The following ACADVL variants were observed in gnomAD, a reference collection of about 807,000 sequenced individuals.
ACADVL encodes the protein very long-chain acyl-CoA dehydrogenase, mitochondrial.
A neutral mutation model predicts 80.4 loss-of-function variants in ACADVL; 73 were observed. The ratio of observed to expected loss-of-function variants is 0.91; its 90% CI spans 0.75 to 1.10. The LOEUF is 1.10. Ranked by LOEUF, ACADVL falls within the 50% of genes least tolerant of loss-of-function variation. The pLI is 0.00. For synonymous variants in ACADVL, 392 were observed against 326.5 expected (o/e 1.20, Z -2.16); for missense variants, 878 against 858.9 (o/e 1.02, Z -0.28).
At chr17:7,222,125 AG>A in intron 8 of ACADVL, 44 bp downstream of exon 8, 12 of 1,614,126 alleles carry the variant, frequency 7.4e-6, no homozygotes, top group Non-Finnish European at 1.0e-5. Flanking sequence ...GCCCAATTCC[AG>A]GCCCCACTGC....
intron 17 of ACADVL, 23 bp from the exon 18 acceptor site, chr17:7,224,618 AC>A (rs765796213): frequency 2.1e-5 from 7 of 336,226 alleles, no homozygotes; most frequent in South Asian, 1.8e-4. Context: ...CCCCACCCCC[AC>A]CCCCACCCCA....
upstream of ACADVL, chr17:7,219,720 C>T: frequency 1.4e-6 from 2 of 1,416,034 alleles, no homozygotes; most frequent in East Asian, 2.6e-5. Flanking sequence ...CCCATCACCC[C>T]GTCGGAGGAC....
chr17:7,223,970 AC>A lies in ACADVL; in HGVS notation c.1337del (p.Pro446LeufsTer3), dbSNP rs1567567655. 1 of 1,613,604 alleles carries A rather than the reference AC, an allele frequency of 6.2e-7. No individual in the cohort carries two copies. Among genetic ancestry groups the A allele is most frequent in the South Asian group, 1.1e-5 (1 of 91,050 alleles). ...IMGGMGFMKE[P>X]GVERVLRDLR... Reference sequence around the variant, plus strand: ...TAATTTGTGTGGCCCTGTGCTAGGAACCTGGAGTAGAGCGTGTGCTCCGAGA... The same window carrying A: ...TAATTTGTGTGGCCCTGTGCTAGGAACTGGAGTAGAGCGTGTGCTCCGAGA... On this transcript the variant is annotated frameshift_variant, in exon 14 of 20. Transcript: ENST00000356839. LOFTEE classifies it high-confidence loss of function.
chr17:7,219,609 A>C, upstream of ACADVL: 2 of 1,162,886 alleles, frequency 1.7e-6, no homozygotes, highest in Non-Finnish European at 2.1e-6. Context: ...CTCTTTCCCT[A>C]CTTTTCCCTT....
intron 11 of ACADVL, 53 bp downstream of exon 11, chr17:7,223,290 C>A: frequency 6.6e-7 from 1 of 1,512,224 alleles, no homozygotes; most frequent in South Asian, 1.1e-5. Flanking sequence ...TCTTCCCAGT[C>A]GGGTCAGACT....
In ACADVL at chr17:7,224,352, A is replaced by G. The variant is rs1327944514; in HGVS notation, c.1564A>G (p.Ser522Gly). 2 of 1,613,896 alleles carry G rather than the reference A, an allele frequency of 1.2e-6. No homozygotes were observed. Among genetic ancestry groups the G allele is most frequent in the South Asian group, 2.2e-5 (2 of 91,074 alleles). ...RAGLGSGLSL[S>G]GLVHPELSRS... is the part of the protein sequence containing the mutation. ...AGGGCTGGGCAGCGGCCTGAGTCTCAGCGGACTTGTCCACCCGGAGTTGAG... is the reference window on the plus strand; with the variant it reads ...AGGGCTGGGCAGCGGCCTGAGTCTCGGCGGACTTGTCCACCCGGAGTTGAG... The change falls in exon 16 of 20, where the codon AGC becomes GGC. Residue 522 changes from serine (S) to glycine (G), a missense_variant. Coordinates refer to ENST00000356839, the MANE Select transcript of ACADVL (RefSeq NM_000018.4).
upstream of ACADVL, chr17:7,219,408 G>C: frequency 9.8e-7 from 1 of 1,016,142 alleles, no homozygotes. Flanking sequence ...TCTTCCTACT[G>C]TGAAACTGTA....
At chr17:7,219,370 T>G, upstream of ACADVL, 2 of 1,008,512 alleles carry the variant, frequency 2.0e-6, no homozygotes, top group Non-Finnish European at 2.4e-6. Flanking sequence ...GAGGCTTTAC[T>G]AAGGGAGGGG....
In ACADVL at chr17:7,224,380, G is replaced by A. The variant is rs772763960; in HGVS notation, c.1592G>A (p.Arg531Gln). The A allele has an allele frequency of 2.2e-5, 36 of 1,613,802 alleles. No individual in the cohort carries two copies. The highest frequency in any genetic ancestry group is 2.0e-4 in the East Asian group (9 of 44,866). ...GGACTTGTCCACCCGGAGTTGAGTC[G>A]GAGTGGCGAGCTGGTAAGTGGCCAG... is the stretch of plus-strand genomic sequence containing the variant. ...LSGLVHPELSRSGELAVRALE... is the reference protein window; with the variant it reads ...LSGLVHPELSQSGELAVRALE... The change falls in exon 16 of 20, where the codon CGG becomes CAG. Residue 531 changes from arginine (R) to glutamine (Q), a missense_variant. Transcript: ENST00000356839.
At chr17:7,221,468 C>T (rs1397261855) in intron 6 of ACADVL, 70 bp from the exon 7 acceptor site, 14 of 1,608,882 alleles carry the variant, frequency 8.7e-6, no homozygotes. Context: ...GCCCTGTTGC[C>T]CACACTCTCC....
At chr17:7,218,803 C>A, upstream of ACADVL, 1 of 1,613,570 alleles carries the variant, frequency 6.2e-7, no homozygotes, top group Non-Finnish European at 8.5e-7. Flanking sequence ...TCCCAGACCT[C>A]CCCTCCACAA....
chr17:7,223,191 TC>T lies in ACADVL; in HGVS notation c.1138del (p.Gln380ArgfsTer13). 6.2e-7 allele frequency: 1 copy of T among 1,614,146 alleles called. No homozygotes were observed. Among genetic ancestry groups the T allele is most frequent in the Non-Finnish European group, 8.5e-7 (1 of 1,180,004 alleles). ...FGEKIHNFGL[I>X]QEKLARMVML... ...GAGAAAATTCACAACTTTGGGCTGA[TC>T]CAGGAGAAGCTGGCACGGATGGTTA... On this transcript the variant is annotated frameshift_variant, in exon 11 of 20. Coordinates refer to ENST00000356839, the MANE Select transcript of ACADVL (RefSeq NM_000018.4). LOFTEE classifies it high-confidence loss of function.
In ACADVL at chr17:7,225,022, C is replaced by T. The variant is rs780006187; in HGVS notation, c.1893C>T (p.Tyr631=). 5.6e-6 allele frequency: 9 copies of T among 1,614,028 alleles called. No individual in the cohort carries two copies. In the South Asian group the frequency reaches 6.6e-5, roughly 12 times the overall value. ...LQSDPWQQEL[Y]RNFKSISKAL... ...CTGACCCCTGGCAGCAAGAGCTCTACCGCAACTTCAAAAGCATCTCCAAGG... is the reference window on the plus strand; with the variant it reads ...CTGACCCCTGGCAGCAAGAGCTCTATCGCAACTTCAAAAGCATCTCCAAGG... Residue 631 remains tyrosine, a synonymous_variant, in exon 20 of 20, where the codon TAC becomes TAT. Coordinates refer to ENST00000356839, the MANE Select transcript of ACADVL (RefSeq NM_000018.4).
rs1250294445 is a variant in ACADVL, at chr17:7,222,766, T to C, written c.978T>C (p.Val326=). 6.2e-7 allele frequency: 1 copy of C among 1,614,116 alleles called. No homozygotes were observed. Among genetic ancestry groups the C allele is most frequent in the Non-Finnish European group, 8.5e-7 (1 of 1,180,010 alleles). The change falls in exon 10 of 20, where the codon GTT becomes GTC. Residue 326 remains valine (V), a synonymous_variant. Transcript: ENST00000356839. ...RVPSENVLGE[V]GSGFKVAMHI... ...CATCGGAGAACGTGCTGGGTGAGGT[T>C]GGGAGTGGCTTCAAGGTTGCCATGC...
chr17:7,222,591 G>A, intron 9 of ACADVL, 76 bp from the exon 10 acceptor site: 2 of 1,424,016 alleles, frequency 1.4e-6, no homozygotes, highest in Non-Finnish European at 1.9e-6. Flanking sequence ...TGGTGCATAA[G>A]GAGCGAAGGA....
chr17:7,219,918 A>ACATGGG (rs1211934303), upstream of ACADVL: 5 of 1,567,438 alleles, frequency 3.2e-6, no homozygotes, highest in African/African-American at 5.4e-5. Flanking sequence ...GGGCGCCAGG[A>ACATGGG]CGTGGGCGTG....
At position 7,222,277 on chromosome 17, in the gene ACADVL, G is replaced by T; in HGVS notation, c.853G>T (p.Glu285Ter). 1 of 1,614,108 alleles carries T rather than the reference G, an allele frequency of 6.2e-7. No individual in the cohort carries two copies. Among genetic ancestry groups the T allele is most frequent in the Non-Finnish European group, 8.5e-7 (1 of 1,180,014 alleles). Residue 285 changes from glutamate (E) to a stop codon, truncating the protein, a stop_gained, in exon 9 of 20, where the codon GAG (glutamate) becomes TAG (stop). Transcript: ENST00000356839. LOFTEE classifies it high-confidence loss of function. ...VKEKITAFVV[E>*]RGFGGITHGP... The stretch of plus-strand genomic sequence containing the variant: ...GGAGAAGATCACAGCTTTTGTGGTG[G>T]AGAGGGGCTTCGGGGGCATTACCCA...
Position 7,220,777 on chromosome 17 carries a change from G to T in ACADVL, c.289G>T (p.Glu97Ter). 6.2e-7 allele frequency: 1 copy of T among 1,614,156 alleles called. No individual in the cohort carries two copies. Among genetic ancestry groups the T allele is most frequent in the South Asian group, 1.1e-5 (1 of 91,084 alleles). ...VFPYPSVLNE[E>*]QTQFLKELVE... ...CCCACCCTCTGCAGTGCTCAACGAAGAGCAGACACAGTTTCTTAAAGAGCT... is the reference window on the plus strand; with the variant it reads ...CCCACCCTCTGCAGTGCTCAACGAATAGCAGACACAGTTTCTTAAAGAGCT... Residue 97 changes from glutamate to a stop codon, truncating the protein, a stop_gained, in exon 5 of 20, where the codon GAG (glutamate) becomes TAG (stop). Coordinates refer to ENST00000356839, the MANE Select transcript of ACADVL (RefSeq NM_000018.4). LOFTEE classifies it high-confidence loss of function.
rs1393667387 is a variant in ACADVL, at chr17:7,220,772, A to G, written c.284A>G (p.Asn95Ser). The change falls in exon 5 of 20, where the codon AAC becomes AGC. Residue 95 changes from asparagine to serine, a missense_variant. Asn to Ser is a conservative substitution (Grantham distance 46). Coordinates refer to ENST00000356839, the MANE Select transcript of ACADVL (RefSeq NM_000018.4). ...DQVFPYPSVL[N>S]EEQTQFLKEL... ...TGTCCCCCACCCTCTGCAGTGCTCA[A>G]CGAAGAGCAGACACAGTTTCTTAAA... 1.9e-6 allele frequency: 3 copies of G among 1,614,066 alleles called. No individual in the cohort carries two copies. Among genetic ancestry groups the G allele is most frequent in the Non-Finnish European group, 1.7e-6 (2 of 1,180,014 alleles).
Sources: allele counts gnomAD v4.1 joint callset, GRCh38; gene constraint gnomAD v4.1.1; transcripts MANE v1.5; gene names NCBI Gene and HGNC (gene_info 2026-07-23, HGNC 2026-07-21).